The following GPI variants were observed in gnomAD, a reference collection of about 807,000 sequenced individuals.
GPI encodes D-hexose-6-phosphate anomerase.
Under a neutral mutation model 75.8 loss-of-function variants are expected in GPI, and 56 were observed. The observed-to-expected ratio is 0.74, with a 90% CI of 0.60 to 0.92. The LOEUF is 0.92. Among genes scored for constraint, GPI ranks in the 40% least tolerant of loss-of-function variants. The pLI, the probability that GPI is intolerant of heterozygous loss-of-function variation, is 0.00. For missense variants in GPI, 638 were observed against 741.0 expected, an observed-to-expected ratio of 0.86 and a Z score of 1.61; for synonymous variants, 288 against 285.4, an observed-to-expected ratio of 1.01 and a Z score of -0.09.
intron 9 of GPI, among the ~76,000 whole-genome samples, chr19:34,382,635 C>G (rs1382057844): frequency 1.3e-5 from 2 of 152,108 alleles, no homozygotes; most frequent in African/African-American, 4.8e-5. Context: ...TCCTTGGGAT[C>G]TGGAGCCTGA....
intron 2 of GPI, 23 bp from the exon 3 acceptor site, chr19:34,366,760 G>T: frequency 1.3e-6 from 2 of 1,591,112 alleles, no homozygotes; most frequent in Non-Finnish European, 1.7e-6. Flanking sequence ...GTGGGACCAG[G>T]CCTCAGTATC....
intron 9 of GPI, among the ~76,000 whole-genome samples, chr19:34,391,907 T>A (rs1282565019): frequency 1.4e-3 from 1 of 728 alleles, no homozygotes; most frequent in Non-Finnish European, 3.2e-3. Flanking sequence ...CAGTATCTGG[T>A]ACAGGTATGA....
intron 12 of GPI, among the ~76,000 whole-genome samples, chr19:34,396,027 C>T (rs1323024975): frequency 6.6e-6 from 1 of 151,518 alleles, no homozygotes; most frequent in Non-Finnish European, 1.5e-5. Context: ...CAACCTCCGC[C>T]TCCCGGGTTC....
rs145923489 is a variant in GPI at position 34,399,630 on chromosome 19, C to T, written c.1473C>T (p.Val491=). ...KLTPFMLGAL[V]AMYEHKIFVQ... ...CACCATTCATGCTTGGAGCCTTGGT[C>T]GGTGAGTGAGTAGGGGAAAGGTCCT... The change falls in exon 16 of 18, where the codon GTC becomes GTT. Residue 491 remains valine, a splice_region_variant and synonymous_variant. Transcript: ENST00000356487. The T allele has an allele frequency of 2.2e-5, 35 of 1,613,916 alleles. No homozygotes were observed. In the African/African-American group the frequency reaches 2.3e-4, roughly 10 times the overall value.
At chr19:34,369,386 C>T (rs961344179) in intron 4 of GPI, among the ~76,000 whole-genome samples, 6 of 152,036 alleles carry the variant, frequency 3.9e-5, no homozygotes, top group Non-Finnish European at 5.9e-5. Context: ...ATCACCCAGT[C>T]TAGAAACAGA....
At chr19:34,369,080 A>C (rs754215782) in intron 4 of GPI, among the ~76,000 whole-genome samples, 1 of 147,914 alleles carries the variant, frequency 6.8e-6, no homozygotes, top group African/African-American at 2.5e-5. Flanking sequence ...ATGGAGTCTC[A>C]CTCTCTCGCC....
At chr19:34,373,286 G>A (rs1455882349) in intron 4 of GPI, among the ~76,000 whole-genome samples, 1 of 151,592 alleles carries the variant, frequency 6.6e-6, no homozygotes, top group Non-Finnish European at 1.5e-5. Flanking sequence ...CTACTCAGGA[G>A]ACTGAGGCAG....
At chr19:34,368,737 G>A (rs116179274) in intron 4 of GPI, 35 bp downstream of exon 4, 4 of 1,612,796 alleles carry the variant, frequency 2.5e-6, no homozygotes, top group South Asian at 1.1e-5. Flanking sequence ...ACCCTTGGCC[G>A]TGTGTGTGAG....
At chr19:34,385,221 C>T (rs536745450) in intron 9 of GPI, among the ~76,000 whole-genome samples, 1 of 151,656 alleles carries the variant, frequency 6.6e-6, no homozygotes, top group Non-Finnish European at 1.5e-5. Flanking sequence ...TGGTGGCACA[C>T]GCCTGTAATC....
chr19:34,390,673 G>C (rs1469338298), intron 9 of GPI, among the ~76,000 whole-genome samples: 1 of 152,126 alleles, frequency 6.6e-6, no homozygotes, highest in African/African-American at 2.4e-5. Flanking sequence ...ATGAAATCTG[G>C]GTCTTCCTGT....
chr19:34,377,428 C>A, intron 4 of GPI, 75 bp from the exon 5 acceptor site: 1 of 1,079,530 alleles, frequency 9.3e-7, no homozygotes, highest in Non-Finnish European at 1.4e-6. Context: ...TACCAGGACA[C>A]GGCAGTAATG....
chr19:34,390,030 G>A (rs1488949179), intron 9 of GPI, among the ~76,000 whole-genome samples: 1 of 152,196 alleles, frequency 6.6e-6, no homozygotes. Context: ...CGAGAAGATC[G>A]GTCAAGCCCA....
chr19:34,365,776 A>G (rs141107840), intron 1 of GPI: 4 of 476,392 alleles, frequency 8.4e-6, no homozygotes, highest in Non-Finnish European at 1.2e-5. Context: ...TCCTGGCCAC[A>G]TGAGCTTGGG....
upstream of GPI, chr19:34,364,810 C>T (rs1025384844): frequency 2.1e-5 from 11 of 511,800 alleles, no homozygotes; most frequent in African/African-American, 2.0e-4. Flanking sequence ...GTATCCACAG[C>T]GCCTAGAACA....
At chr19:34,395,021 T>C (rs2074924049) in intron 12 of GPI, among the ~76,000 whole-genome samples, 1 of 151,982 alleles carries the variant, frequency 6.6e-6, no homozygotes, top group African/African-American at 2.4e-5. Flanking sequence ...ACCCTATCCT[T>C]GCTTTTGTTT....
At chr19:34,361,942 C>T (rs1369740088), upstream of GPI, among the ~76,000 whole-genome samples, 4 of 151,782 alleles carry the variant, frequency 2.6e-5, no homozygotes, top group East Asian at 7.7e-4. Context: ...CAGTGAAACC[C>T]CAACTCTACT....
chr19:34,373,878 T>C (rs1342813958), intron 4 of GPI, among the ~76,000 whole-genome samples: 2 of 152,238 alleles, frequency 1.3e-5, no homozygotes, highest in South Asian at 2.1e-4. Context: ...GGCAGCTTAT[T>C]TCTCCCAGAG....
intron 9 of GPI, among the ~76,000 whole-genome samples, chr19:34,389,476 G>A (rs2074790135): frequency 6.6e-6 from 1 of 152,166 alleles, no homozygotes; most frequent in Non-Finnish European, 1.5e-5. Flanking sequence ...TGGGCTTCCA[G>A]GAGAGAATTA....
chr19:34,386,296 G>A (rs1253393536), intron 9 of GPI, among the ~76,000 whole-genome samples: 3 of 151,252 alleles, frequency 2.0e-5, no homozygotes, highest in Non-Finnish European at 4.4e-5. Flanking sequence ...GGTAGGTAGA[G>A]ATAGCCTTTC....
Sources: allele counts gnomAD v4.1 joint callset (sites outside exome capture counted in the v4.1 genomes callset), GRCh38; gene constraint gnomAD v4.1.1; transcripts MANE v1.5; gene names NCBI Gene and HGNC (gene_info 2026-07-23, HGNC 2026-07-21).